The following ZNF254 variants were observed in gnomAD, a reference collection of about 807,000 sequenced individuals.
ZNF254 encodes the protein zinc finger protein 254.
Under a neutral mutation model 12.4 loss-of-function variants are expected in ZNF254, and 10 were observed. That is an observed-to-expected ratio of 0.80 (90% CI 0.50 to 1.36). The LOEUF (loss-of-function observed/expected upper bound fraction) is 1.36, where lower values mean the gene tolerates loss of function less well. Among genes scored for constraint, ZNF254 ranks in the 40% most tolerant of loss-of-function variants. The pLI is 0.00. For synonymous variants in ZNF254, 305 were observed against 253.4 expected (o/e 1.20, Z -1.93); for missense variants, 996 against 763.9 (o/e 1.30, Z -3.58).
At chr19:24,105,849 A>G in intron 1 of ZNF254, 91 bp from the exon 2 acceptor site, 1 of 1,518,084 alleles carries the variant, frequency 6.6e-7, no homozygotes, top group Non-Finnish European at 8.9e-7. Context: ...AGTCAGAACC[A>G]GTTCTATTTA....
intron 1 of ZNF254, among the ~76,000 whole-genome samples, chr19:24,036,660 C>G (rs1049163550): frequency 2.0e-5 from 3 of 152,126 alleles, no homozygotes; most frequent in Non-Finnish European, 4.4e-5. Flanking sequence ...GATATTTGAG[C>G]TGGAGGGAGA....
At chr19:24,033,574 G>T (rs1969845444) in exon 1 of ZNF254, 1 of 377,308 alleles carries the variant, frequency 2.7e-6, no homozygotes, top group Non-Finnish European at 5.3e-6. Flanking sequence ...TGCAGGTCCG[G>T]AGAGACGCAC....
At chr19:24,071,263 G>A (rs1369700130) in intron 2 of ZNF254, among the ~76,000 whole-genome samples, 1 of 152,194 alleles carries the variant, frequency 6.6e-6, no homozygotes, top group African/African-American at 2.4e-5. Context: ...TGACCAAGAA[G>A]GGGGAGTGAC....
intron 2 of ZNF254, 183 bp from the exon 3 acceptor site, chr19:24,106,365 C>A: frequency 1.9e-6 from 1 of 518,812 alleles, no homozygotes. Flanking sequence ...TAGTACCAGG[C>A]AGTGAAATTA....
chr19:24,096,907 G>A (rs1005432327), intron 1 of ZNF254, among the ~76,000 whole-genome samples: 9 of 152,172 alleles, frequency 5.9e-5, no homozygotes, highest in African/African-American at 2.2e-4. Flanking sequence ...TGCACACAGT[G>A]TGCAAAATTC....
At chr19:24,044,011 C>T (rs140857081) in intron 1 of ZNF254, among the ~76,000 whole-genome samples, 18 of 151,950 alleles carry the variant, frequency 1.2e-4, no homozygotes, top group African/African-American at 3.6e-4. Flanking sequence ...GAGGGTGAGG[C>T]GCGCAAATCA....
At chr19:24,069,424 T>A (rs1971398578) in intron 2 of ZNF254, among the ~76,000 whole-genome samples, 1 of 148,542 alleles carries the variant, frequency 6.7e-6, no homozygotes, top group Admixed American at 6.7e-5. Context: ...CTGGCCAACA[T>A]GGTGAAACCC....
At chr19:24,054,701 T>C (rs977745266) in intron 2 of ZNF254, among the ~76,000 whole-genome samples, 2 of 152,156 alleles carry the variant, frequency 1.3e-5, no homozygotes, top group Middle Eastern at 3.2e-3. Context: ...TTGTGACTCA[T>C]GTATGAGCCT....
intron 2 of ZNF254, chr19:24,079,240 C>G (rs1360233100): frequency 1.3e-5 from 2 of 152,158 alleles, no homozygotes; most frequent in Admixed American, 1.3e-4. Context: ...AGCCCCCCTG[C>G]CACTTGGTTC....
intron 3 of ZNF254, 73 bp from the exon 4 acceptor site, chr19:24,126,181 G>T: frequency 9.6e-7 from 1 of 1,036,864 alleles, no homozygotes; most frequent in Non-Finnish European, 1.3e-6. Flanking sequence ...TAATTTTATA[G>T]GTAAGATTTT....
rs765150330 is a variant in ZNF254 at position 24,127,334 on chromosome 19, G to A, written c.1334G>A (p.Trp445Ter). The A allele has an allele frequency of 1.9e-5, 30 of 1,612,618 alleles. No individual in the cohort carries two copies. Among genetic ancestry groups the A allele is most frequent in the Non-Finnish European group, 2.5e-5 (30 of 1,179,588 alleles). Residue 445 changes from tryptophan to a stop codon, truncating the protein, a stop_gained, in exon 4 of 4, where the codon TGG becomes TAG. Transcript: ENST00000357002. LOFTEE classifies it low-confidence loss of function (END_TRUNC). Reference sequence around the variant, plus strand: ...GAAGAATGTGGCAAAGCATTTATCTGGTCCTCAACCCTTACTAAACATAAG... The same window carrying A: ...GAAGAATGTGGCAAAGCATTTATCTAGTCCTCAACCCTTACTAAACATAAG... ...KCEECGKAFI[W>*]SSTLTKHKRI... is the part of the protein sequence containing the mutation.
intron 2 of ZNF254, among the ~76,000 whole-genome samples, chr19:24,057,032 A>G (rs556968489): frequency 6.6e-6 from 1 of 152,194 alleles, no homozygotes; most frequent in Admixed American, 6.5e-5. Flanking sequence ...GAGACATACT[A>G]TCTCTCATAT....
chr19:24,129,333 A>T lies in ZNF254; in HGVS notation c.*1353A>T, dbSNP rs1200745482. On this transcript the variant is annotated 3_prime_UTR_variant, in exon 4 of 4. Coordinates refer to ENST00000357002, the MANE Select transcript of ZNF254 (RefSeq NM_203282.4). ...AGCTTTTCAATTCAACATTTTTAACATATTAAATACTATTGTGAATTCAAT... is the reference window on the plus strand; with the variant it reads ...AGCTTTTCAATTCAACATTTTTAACTTATTAAATACTATTGTGAATTCAAT... 1 of 152,062 alleles carries T rather than the reference A, an allele frequency of 6.6e-6. No homozygotes were observed. The highest frequency in any genetic ancestry group is 1.5e-5 in the Non-Finnish European group (1 of 67,928). 9.4% of individuals were successfully genotyped at this position (152,062 alleles called of 1,614,324 possible).
chr19:24,033,546 C>T (rs2145135244), exon 1 of ZNF254: 3 of 298,718 alleles, frequency 1.0e-5, no homozygotes, highest in South Asian at 5.8e-5. Flanking sequence ...CTGTGACGGC[C>T]TCTGTTGCCC....
At chr19:24,036,493 G>A (rs1397882897) in intron 1 of ZNF254, among the ~76,000 whole-genome samples, 1 of 152,184 alleles carries the variant, frequency 6.6e-6, no homozygotes, top group South Asian at 2.1e-4. Flanking sequence ...GGGATCTGCA[G>A]TGGTGGCAGT....
chr19:24,119,409 C>T (rs1400369333), intron 3 of ZNF254, among the ~76,000 whole-genome samples: 3 of 151,994 alleles, frequency 2.0e-5, no homozygotes, highest in Non-Finnish European at 2.9e-5. Context: ...CTAGGCTGAT[C>T]TCAAAACCCT....
In ZNF254 at chr19:24,041,694, A is replaced by G. The variant is rs535587721; in HGVS notation, c.-189-4490A>G. Among the ~76,000 whole-genome samples the G allele has an allele frequency of 2.9e-3, 441 of 152,346 alleles. 2 individuals carry two copies. The highest frequency in any genetic ancestry group is 5.5e-3 in the Non-Finnish European group (373 of 68,036). ...CCATCGACCACCCAAGGGCTGAGGA[A>G]TGCGAGCGCACGGCGCAGGACTGGC... On this transcript the variant is annotated intron_variant, in intron 1 of 4. Coordinates refer to the ZNF254 transcript ENST00000613065.
intron 2 of ZNF254, among the ~76,000 whole-genome samples, chr19:24,058,694 C>T (rs1317204117): frequency 6.6e-6 from 1 of 152,012 alleles, no homozygotes; most frequent in East Asian, 1.9e-4. Context: ...AGTTGTGAGC[C>T]ACCGTGCCCG....
At chr19:24,034,050 T>G (rs1568418051) in intron 1 of ZNF254, among the ~76,000 whole-genome samples, 1 of 152,146 alleles carries the variant, frequency 6.6e-6, no homozygotes, top group Non-Finnish European at 1.5e-5. Flanking sequence ...CTTCGCCTCC[T>G]AGACTCAAGC....
Sources: allele counts gnomAD v4.1 joint callset (sites outside exome capture counted in the v4.1 genomes callset), GRCh38; gene constraint gnomAD v4.1.1; transcripts MANE v1.5; gene names NCBI Gene and HGNC (gene_info 2026-07-23, HGNC 2026-07-21).